The following MAPKAP1 variants were observed in gnomAD, a reference collection of about 807,000 sequenced individuals.
MAPKAP1 encodes the protein target of rapamycin complex 2 subunit MAPKAP1.
In MAPKAP1, 20 loss-of-function variants were observed where a neutral mutation model predicts 65.7. The observed-to-expected ratio is 0.30, with a 90% confidence interval of 0.21 to 0.44. The LOEUF (loss-of-function observed/expected upper bound fraction) is 0.44, where lower values mean the gene tolerates loss of function less well. Ranked by LOEUF, MAPKAP1 falls within the 20% of genes least tolerant of loss-of-function variation. The pLI, the probability that MAPKAP1 is intolerant of heterozygous loss-of-function variation, is 1.00. For missense variants in MAPKAP1, 423 were observed against 648.0 expected (o/e 0.65, Z 3.77); for synonymous variants, 222 against 244.3 (o/e 0.91, Z 0.85).
At chr9:125,549,363 C>T (rs1830519523) in intron 6 of MAPKAP1, among the ~76,000 whole-genome samples, 1 of 152,200 alleles carries the variant, frequency 6.6e-6, no homozygotes, top group Non-Finnish European at 1.5e-5. Flanking sequence ...CATTCTCCAG[C>T]ATTTCAAGGT....
chr9:125,705,366 A>G (rs1440344180), intron 1 of MAPKAP1, among the ~76,000 whole-genome samples: 1 of 152,124 alleles, frequency 6.6e-6, no homozygotes, highest in Non-Finnish European at 1.5e-5. Flanking sequence ...ACCCCTATAT[A>G]ATACCCAAAT....
At chr9:125,669,627 C>A (rs1834440653) in intron 3 of MAPKAP1, among the ~76,000 whole-genome samples, 191 bp downstream of exon 3, 1 of 151,812 alleles carries the variant, frequency 6.6e-6, no homozygotes, top group Non-Finnish European at 1.5e-5. Context: ...TGAAGGGTGG[C>A]CAAAAAGCCA....
Position 125,546,330 on chromosome 9 carries a change from C to T in MAPKAP1, c.849-3162G>A, listed in dbSNP as rs541466580. 9.2e-5 allele frequency among the ~76,000 whole-genome samples: 14 copies of T among 152,306 alleles called. No individual in the cohort carries two copies. In the South Asian group the frequency reaches 1.5e-3, roughly 16 times the overall value. ...GTTTCCTCAGGTCAGTCCCACGCTC[C>T]GCTCCTTTCCCTCCAGACGAATGCC... On this transcript the variant is annotated intron_variant, in intron 6 of 11. Coordinates refer to ENST00000265960, the MANE Select transcript of MAPKAP1 (RefSeq NM_001006617.3).
At chr9:125,605,611 G>A (rs1224731714) in intron 4 of MAPKAP1, among the ~76,000 whole-genome samples, 2 of 152,164 alleles carry the variant, frequency 1.3e-5, no homozygotes, top group Non-Finnish European at 2.9e-5. Flanking sequence ...TCTGCACTTC[G>A]GAACCCATTG....
intron 10 of MAPKAP1, among the ~76,000 whole-genome samples, chr9:125,452,243 C>T (rs893794958): frequency 2.0e-5 from 3 of 152,086 alleles, no homozygotes; most frequent in East Asian, 1.9e-4. Context: ...GGATTACAGG[C>T]GTGCGCCACC....
intron 4 of MAPKAP1, among the ~76,000 whole-genome samples, chr9:125,644,284 A>T (rs186110562): frequency 2.0e-5 from 3 of 152,368 alleles, no homozygotes; most frequent in Non-Finnish European, 4.4e-5. Flanking sequence ...TTTTCATTAA[A>T]GATGGGGTGC....
chr9:125,647,633 T>C (rs1016533487), intron 4 of MAPKAP1, among the ~76,000 whole-genome samples: 1 of 152,214 alleles, frequency 6.6e-6, no homozygotes, highest in African/African-American at 2.4e-5. Flanking sequence ...CTGGGCACGA[T>C]CATTCATGTA....
chr9:125,682,009 ACTTTGGCATCC>A (rs1224888130), intron 1 of MAPKAP1, among the ~76,000 whole-genome samples: 1 of 152,034 alleles, frequency 6.6e-6, no homozygotes, highest in Non-Finnish European at 1.5e-5. Context: ...CGATACTCCC[ACTTTGGCATCC>A]CAAAGAGTTG....
chr9:125,622,085 T>C (rs1161710573), intron 4 of MAPKAP1, among the ~76,000 whole-genome samples: 1 of 152,056 alleles, frequency 6.6e-6, no homozygotes, highest in Admixed American at 6.6e-5. Flanking sequence ...TTAAAAAAAC[T>C]GGGGCTCATG....
At chr9:125,635,887 C>T (rs958314080) in intron 4 of MAPKAP1, among the ~76,000 whole-genome samples, 57 of 152,154 alleles carry the variant, frequency 3.7e-4, no homozygotes, top group African/African-American at 1.3e-3. Flanking sequence ...TCCATGGGAC[C>T]CAGAAAGTAG....
At chr9:125,584,312 G>GA (rs1403389930) in intron 5 of MAPKAP1, among the ~76,000 whole-genome samples, 1 of 151,858 alleles carries the variant, frequency 6.6e-6, no homozygotes, top group African/African-American at 2.4e-5. Context: ...ATAAGAATTT[G>GA]AAAAAATCAT....
intron 1 of MAPKAP1, among the ~76,000 whole-genome samples, chr9:125,705,814 G>A (rs548592411): frequency 6.6e-6 from 1 of 152,152 alleles, no homozygotes; most frequent in African/African-American, 2.4e-5. Flanking sequence ...GCAAGGTAGG[G>A]AGAATGTTCT....
chr9:125,634,315 A>G (rs1318514272), intron 4 of MAPKAP1, among the ~76,000 whole-genome samples: 2 of 152,240 alleles, frequency 1.3e-5, no homozygotes, highest in Non-Finnish European at 2.9e-5. Context: ...TATTGCCTCC[A>G]GACAGATAAA....
intron 6 of MAPKAP1, 88 bp from the exon 7 acceptor site, chr9:125,543,256 T>G (rs1032848607): frequency 1.6e-5 from 15 of 933,604 alleles, no homozygotes; most frequent in African/African-American, 3.3e-5. Flanking sequence ...GCAAGTTTTT[T>G]TTGTTGTTGT....
chr9:125,459,597 G>A (rs549678746), intron 10 of MAPKAP1, among the ~76,000 whole-genome samples: 43 of 152,308 alleles, frequency 2.8e-4, no homozygotes, highest in African/African-American at 8.4e-4. Context: ...CGGATCACTC[G>A]CGGTTAGGAG....
intron 1 of MAPKAP1, among the ~76,000 whole-genome samples, chr9:125,686,956 A>G (rs1001768755): frequency 6.6e-6 from 1 of 151,770 alleles, no homozygotes. Context: ...CCTCCCAAGT[A>G]GCTGGGACTA....
chr9:125,451,690 C>G (rs958263749), intron 10 of MAPKAP1, among the ~76,000 whole-genome samples: 1 of 152,124 alleles, frequency 6.6e-6, no homozygotes, highest in Non-Finnish European at 1.5e-5. Context: ...GTTTATCTTC[C>G]GTCCCTCTCT....
Position 125,506,371 on chromosome 9 carries a change from A to G in MAPKAP1, c.1005T>C (p.Val335=). 1.9e-6 allele frequency: 3 copies of G among 1,614,160 alleles called. No homozygotes were observed. Among genetic ancestry groups the G allele is most frequent in the Non-Finnish European group, 2.5e-6 (3 of 1,180,020 alleles). ...LEKQSEPNVA[V]DLDSTLESQS... is the part of the protein sequence containing the mutation. ...GGCTCTCCAAAGTGCTGTCCAGGTC[A>G]ACGGCGACATTGGGCTCGCTCTGCT... is the stretch of plus-strand genomic sequence containing the variant. The change falls in exon 8 of 12, where the codon GTT becomes GTC. Residue 335 remains valine (V), a synonymous_variant. Transcript: ENST00000265960.
intron 10 of MAPKAP1, among the ~76,000 whole-genome samples, chr9:125,445,169 G>T (rs1852663147): frequency 6.6e-6 from 1 of 152,252 alleles, no homozygotes; most frequent in Non-Finnish European, 1.5e-5. Context: ...TGGAAAGTGG[G>T]CACCTCACAA....
Sources: gnomAD v4.1 joint callset for allele counts (sites outside exome capture counted in the v4.1 genomes callset) on GRCh38, gnomAD v4.1.1 for gene constraint, MANE v1.5 for transcripts, NCBI Gene and HGNC (gene_info 2026-07-23, HGNC 2026-07-21) for gene names.